The following FHIT variants were observed in gnomAD, a reference collection of about 807,000 sequenced individuals.
FHIT encodes the protein bis(5'-adenosyl)-triphosphatase.
Under a neutral mutation model 17.9 loss-of-function variants are expected in FHIT, and 19 were observed. That is an observed-to-expected ratio of 1.06 (90% CI 0.74 to 1.56). The LOEUF is 1.56. Among genes scored for constraint, FHIT ranks in the 40% most tolerant of loss-of-function variants. FHIT has a pLI of 0.00. For synonymous variants in FHIT, 81 were observed against 69.7 expected (o/e 1.16, Z -0.81); for missense variants, 248 against 189.2 (o/e 1.31, Z -1.82).
At chr3:60,861,156 CATATATATCATATGTTCTATG>C (rs1703802276) in intron 3 of FHIT, among the ~76,000 whole-genome samples, 1 of 6,496 alleles carries the variant, frequency 1.5e-4, no homozygotes, top group Non-Finnish European at 2.8e-4. Context: ...GATCTATATA[CATATATATCATATGTTCTATG>C]ATATATATGA....
chr3:60,200,493 G>T (rs1559721716), intron 5 of FHIT, among the ~76,000 whole-genome samples: 1 of 152,058 alleles, frequency 6.6e-6, no homozygotes, highest in South Asian at 2.1e-4. Context: ...TACTTTTAGA[G>T]AATGTAATTT....
At chr3:61,100,564 G>C (rs1362384332) in intron 2 of FHIT, among the ~76,000 whole-genome samples, 5 of 152,058 alleles carry the variant, frequency 3.3e-5, no homozygotes, top group Non-Finnish European at 2.9e-5. Context: ...ATAATCCTTT[G>C]GGTATATACC....
At chr3:61,204,373 C>A (rs2039137023) in intron 1 of FHIT, among the ~76,000 whole-genome samples, 1 of 152,156 alleles carries the variant, frequency 6.6e-6, no homozygotes, top group South Asian at 2.1e-4. Context: ...TATATGTACA[C>A]TTGCACAAAT....
intron 5 of FHIT, among the ~76,000 whole-genome samples, chr3:60,271,364 C>T (rs913132647): frequency 6.6e-6 from 1 of 152,128 alleles, no homozygotes. Flanking sequence ...GATCCCGCCA[C>T]TGCACTCCAG....
intron 5 of FHIT, among the ~76,000 whole-genome samples, chr3:60,468,100 C>T (rs2032895560): frequency 6.6e-6 from 1 of 152,030 alleles, no homozygotes; most frequent in Non-Finnish European, 1.5e-5. Context: ...CTGATATAAG[C>T]ATAGCTCCTC....
At chr3:60,277,837 G>T (rs892726773) in intron 5 of FHIT, among the ~76,000 whole-genome samples, 1 of 151,894 alleles carries the variant, frequency 6.6e-6, no homozygotes, top group East Asian at 1.9e-4. Context: ...AATTTTCCCG[G>T]CATGAGATGA....
chr3:60,392,396 C>T (rs1701268091), intron 5 of FHIT, among the ~76,000 whole-genome samples: 1 of 152,166 alleles, frequency 6.6e-6, no homozygotes. Context: ...GAATAAATGA[C>T]ACCATGTCGA....
At chr3:61,122,560 G>A (rs910726495) in intron 2 of FHIT, among the ~76,000 whole-genome samples, 1 of 152,182 alleles carries the variant, frequency 6.6e-6, no homozygotes, top group African/African-American at 2.4e-5. Flanking sequence ...CGATCAGAGT[G>A]AACAGGCAAC....
At chr3:60,959,462 A>C (rs1321773345) in intron 3 of FHIT, among the ~76,000 whole-genome samples, 2 of 152,224 alleles carry the variant, frequency 1.3e-5, no homozygotes, top group East Asian at 3.9e-4. Flanking sequence ...CTGAGCTGGC[A>C]ACTGGACAAA....
At chr3:61,074,253 C>T (rs1004655986) in intron 2 of FHIT, among the ~76,000 whole-genome samples, 4 of 152,170 alleles carry the variant, frequency 2.6e-5, no homozygotes, top group Non-Finnish European at 4.4e-5. Context: ...GAGAATATCA[C>T]AGTCTTCTCT....
intron 1 of FHIT, among the ~76,000 whole-genome samples, chr3:61,229,749 C>G (rs1017522981): frequency 2.0e-5 from 3 of 152,286 alleles, no homozygotes. Context: ...TACTGGGAAG[C>G]TTGTGTAGAC....
intron 3 of FHIT, among the ~76,000 whole-genome samples, chr3:60,856,991 A>C (rs1349126661): frequency 2.0e-5 from 3 of 152,138 alleles, no homozygotes. Flanking sequence ...TATACTTGCC[A>C]TAGCACTCAG....
At chr3:60,588,241 ATT>A (rs2037968847) in intron 4 of FHIT, among the ~76,000 whole-genome samples, 1 of 152,024 alleles carries the variant, frequency 6.6e-6, no homozygotes, top group Admixed American at 6.6e-5. Context: ...TCATATTTTC[ATT>A]TTCTTTTCTC....
At chr3:59,932,321 G>A (rs937330947) in intron 7 of FHIT, among the ~76,000 whole-genome samples, 3 of 152,094 alleles carry the variant, frequency 2.0e-5, no homozygotes, top group Non-Finnish European at 4.4e-5. Flanking sequence ...CTGAGATTCA[G>A]AACAAAAAGA....
At chr3:60,157,849 G>A (rs1326681586) in intron 5 of FHIT, among the ~76,000 whole-genome samples, 4 of 151,828 alleles carry the variant, frequency 2.6e-5, no homozygotes, top group Non-Finnish European at 5.9e-5. Context: ...CAATGTTATG[G>A]GTGACCCCAG....
Position 60,879,079 on chromosome 3 carries a change from T to C in FHIT, c.-110-57068A>G, listed in dbSNP as rs1213020233. Among the ~76,000 whole-genome samples, 9 of 152,360 alleles carry C rather than the reference T, an allele frequency of 5.9e-5. No individual in the cohort carries two copies. The East Asian group carries it at 1.5e-3, about 26-fold the overall frequency. On this transcript the variant is annotated intron_variant, in intron 3 of 9. Coordinates refer to ENST00000492590, the MANE Select transcript of FHIT (RefSeq NM_002012.4). ...GGAATTGCCACACTGACTTCCACAATGGTTGAACTAGTTTACATTCCCACC... is the reference window on the plus strand; with the variant it reads ...GGAATTGCCACACTGACTTCCACAACGGTTGAACTAGTTTACATTCCCACC...
At chr3:59,787,096 C>T (rs1699339243) in intron 8 of FHIT, among the ~76,000 whole-genome samples, 1 of 152,060 alleles carries the variant, frequency 6.6e-6, no homozygotes, top group African/African-American at 2.4e-5. Flanking sequence ...AGGTATTTTG[C>T]CTTCTTTTAG....
intron 5 of FHIT, among the ~76,000 whole-genome samples, chr3:60,149,480 G>C (rs552081337): frequency 7.9e-5 from 12 of 152,208 alleles, no homozygotes; most frequent in Non-Finnish European, 7.4e-5. Context: ...GAGAAAACAA[G>C]TATATGGTAT....
chr3:60,705,627 G>A (rs1167047350), intron 4 of FHIT, among the ~76,000 whole-genome samples: 4 of 152,174 alleles, frequency 2.6e-5, no homozygotes, highest in Non-Finnish European at 4.4e-5. Context: ...ATACTATTTT[G>A]AAATTCATGG....
Sources: allele counts gnomAD v4.1 joint callset (sites outside exome capture counted in the v4.1 genomes callset), GRCh38; gene constraint gnomAD v4.1.1; transcripts MANE v1.5; gene names NCBI Gene and HGNC (gene_info 2026-07-23, HGNC 2026-07-21).